GALNT18: variants seen among roughly 807,000 people sequenced by gnomAD.
GALNT18 encodes GalNAc-transferase 18.
In GALNT18, 44 loss-of-function variants were observed where a neutral mutation model predicts 69.5. That is an observed-to-expected ratio of 0.63 (90% CI 0.50 to 0.81). The LOEUF (loss-of-function observed/expected upper bound fraction) is 0.81, where lower values mean the gene tolerates loss of function less well. Among genes scored for constraint, GALNT18 ranks in the 40% least tolerant of loss-of-function variants. The pLI is 0.00. For missense variants in GALNT18, 715 were observed against 810.0 expected (o/e 0.88, Z 1.42); for synonymous variants, 364 against 318.2 (o/e 1.14, Z -1.53).
At chr11:11,446,960 C>T (rs905077437) in intron 2 of GALNT18, among the ~76,000 whole-genome samples, 1 of 152,186 alleles carries the variant, frequency 6.6e-6, no homozygotes, top group African/African-American at 2.4e-5. Flanking sequence ...TCTAATTGGT[C>T]TGGGGTGTGG....
At chr11:11,424,400 C>T (rs1456064325) in intron 3 of GALNT18, among the ~76,000 whole-genome samples, 1 of 152,186 alleles carries the variant, frequency 6.6e-6, no homozygotes, top group Non-Finnish European at 1.5e-5. Flanking sequence ...CCTAGCACTT[C>T]CTGGCTATGT....
intron 1 of GALNT18, among the ~76,000 whole-genome samples, chr11:11,528,642 G>C (rs903856795): frequency 6.6e-6 from 1 of 152,138 alleles, no homozygotes; most frequent in African/African-American, 2.4e-5. Flanking sequence ...GGCTATGCGG[G>C]GCAAGACTGA....
At chr11:11,369,860 T>C (rs553726103) in intron 6 of GALNT18, among the ~76,000 whole-genome samples, 2 of 152,274 alleles carry the variant, frequency 1.3e-5, no homozygotes, top group Admixed American at 6.5e-5. Flanking sequence ...AGGGACTCAG[T>C]AGACATAATT....
rs756974658 is a variant in GALNT18 at position 11,564,905 on chromosome 11, A to T, written c.235+56454T>A. Among the ~76,000 whole-genome samples the T allele has an allele frequency of 2.6e-5, 4 of 152,216 alleles. No individual in the cohort carries two copies. The highest frequency in any genetic ancestry group is 1.3e-4 in the Admixed American group (2 of 15,282). On this transcript the variant is annotated intron_variant, in intron 1 of 10. Coordinates refer to ENST00000227756, the MANE Select transcript of GALNT18 (RefSeq NM_198516.3). The surrounding 1 kb of genome is among the most constrained non-coding windows in gnomAD (Gnocchi z 4.3). Reference sequence around the variant, plus strand: ...ATAGTGAACAGAATAGGTCTAGAACATCTCCCTCCCCACAGAATGCTTGCT... The same window carrying T: ...ATAGTGAACAGAATAGGTCTAGAACTTCTCCCTCCCCACAGAATGCTTGCT...
At chr11:11,397,552 C>G (rs1369409262) in intron 3 of GALNT18, among the ~76,000 whole-genome samples, 1 of 152,164 alleles carries the variant, frequency 6.6e-6, no homozygotes, top group South Asian at 2.1e-4. Flanking sequence ...CAACTTCCAC[C>G]TCCCCGGTTC....
At position 11,435,500 on chromosome 11, in the gene GALNT18, T is replaced by C. The variant is rs1855377874; in HGVS notation, c.429-2713A>G. Among the ~76,000 whole-genome samples, 1 of 152,238 alleles carries C rather than the reference T, an allele frequency of 6.6e-6. No individual in the cohort carries two copies. The highest frequency in any genetic ancestry group is 6.5e-5 in the Admixed American group (1 of 15,286). ...TTTCATAAGAAAACTCATTTGAACA[T>C]AGCTGAACACATTCTCTAGGGCATC... On this transcript the variant is annotated intron_variant, in intron 2 of 10. Coordinates refer to ENST00000227756, the MANE Select transcript of GALNT18 (RefSeq NM_198516.3). The surrounding 1 kb of genome is among the most constrained non-coding windows in gnomAD (Gnocchi z 4.4).
At chr11:11,279,417 G>A (rs1054133739) in intron 10 of GALNT18, among the ~76,000 whole-genome samples, 7 of 152,072 alleles carry the variant, frequency 4.6e-5, no homozygotes, top group African/African-American at 1.7e-4. Flanking sequence ...ACAACCCTAT[G>A]ACCCAACACT....
At chr11:11,611,684 T>A (rs1332255931) in intron 1 of GALNT18, among the ~76,000 whole-genome samples, 4 of 152,202 alleles carry the variant, frequency 2.6e-5, no homozygotes, top group Non-Finnish European at 5.9e-5. Context: ...GACACGTGAC[T>A]ATGCCAGGGC....
chr11:11,457,834 GC>G (rs1590020716), intron 1 of GALNT18, among the ~76,000 whole-genome samples: 2 of 152,194 alleles, frequency 1.3e-5, no homozygotes, highest in South Asian at 2.1e-4. Context: ...GGGAGTGGGG[GC>G]TAGCTTTTGT....
intron 1 of GALNT18, among the ~76,000 whole-genome samples, chr11:11,567,915 G>A (rs11021935): frequency 0.41 from 62,690 of 151,976 alleles, 13,000 homozygotes; most frequent in East Asian, 0.48. Flanking sequence ...CAATGCATTC[G>A]TTAACAGTTA....
chr11:11,317,243 C>T (rs564244704), intron 9 of GALNT18, among the ~76,000 whole-genome samples: 13 of 152,326 alleles, frequency 8.5e-5, no homozygotes, highest in East Asian at 7.7e-4. Context: ...AATATCACAA[C>T]GACAACAGAG....
intron 1 of GALNT18, among the ~76,000 whole-genome samples, chr11:11,574,384 C>T (rs2134002513): frequency 6.6e-6 from 1 of 152,198 alleles, no homozygotes; most frequent in East Asian, 1.9e-4. Flanking sequence ...GGATAGGTAC[C>T]ATGGGTGAAC....
rs888183393 is a variant in GALNT18, at chr11:11,337,394, A to C, written c.1278+3425T>G. On this transcript the variant is annotated intron_variant, in intron 7 of 10. Transcript: ENST00000227756. This position sits in a 1 kb window ranked among gnomAD's most constrained non-coding sequence, Gnocchi z 4.9. ...CCCATGGTGTATTGTGGTGGTTCTCAGTGGTTCTGAAGAACTTTCCCAAAA... is the reference window on the plus strand; with the variant it reads ...CCCATGGTGTATTGTGGTGGTTCTCCGTGGTTCTGAAGAACTTTCCCAAAA... Among the ~76,000 whole-genome samples, 1 of 152,164 alleles carries C rather than the reference A, an allele frequency of 6.6e-6. No individual in the cohort carries two copies. The highest frequency in any genetic ancestry group is 1.5e-5 in the Non-Finnish European group (1 of 68,034).
At chr11:11,567,846 T>C (rs908883532) in intron 1 of GALNT18, among the ~76,000 whole-genome samples, 1 of 152,200 alleles carries the variant, frequency 6.6e-6, no homozygotes, top group African/African-American at 2.4e-5. Context: ...CCTATATACC[T>C]AGGGAGATAA....
chr11:11,577,976 C>T (rs1335515417), intron 1 of GALNT18, among the ~76,000 whole-genome samples: 1 of 143,468 alleles, frequency 7.0e-6, no homozygotes, highest in Non-Finnish European at 1.5e-5. Context: ...AGCCTCAGCT[C>T]CAAAATGTGA....
chr11:11,291,339 AAAT>A (rs1849292982), intron 10 of GALNT18, among the ~76,000 whole-genome samples: 1 of 152,134 alleles, frequency 6.6e-6, no homozygotes, highest in Non-Finnish European at 1.5e-5. Context: ...ACTATTTCAT[AAAT>A]AATGACCAAC....
rs958889138 is a variant in GALNT18, at chr11:11,454,577, C to T, written c.236-5641G>A. 7.2e-5 allele frequency among the ~76,000 whole-genome samples: 11 copies of T among 151,980 alleles called. No homozygotes were observed. Among genetic ancestry groups the T allele is most frequent in the Admixed American group, 1.3e-4 (2 of 15,262 alleles). ...AATCAAAAAGATTCCACTGAAGGGTCCAAACATCCCTCTTCCCAGAAACCC... is the reference window on the plus strand; with the variant it reads ...AATCAAAAAGATTCCACTGAAGGGTTCAAACATCCCTCTTCCCAGAAACCC... On this transcript the variant is annotated intron_variant, in intron 1 of 10. Coordinates refer to ENST00000227756, the MANE Select transcript of GALNT18 (RefSeq NM_198516.3). This position sits in a 1 kb window ranked among gnomAD's most constrained non-coding sequence, Gnocchi z 4.2.
At chr11:11,537,039 A>G (rs1038068157) in intron 1 of GALNT18, among the ~76,000 whole-genome samples, 20 of 152,188 alleles carry the variant, frequency 1.3e-4, no homozygotes, top group African/African-American at 4.3e-4. Context: ...TTTATGTTTT[A>G]TATAAAAATG....
chr11:11,293,235 G>A (rs1849335891), intron 9 of GALNT18, 42 bp from the exon 10 acceptor site: 1 of 1,307,538 alleles, frequency 7.6e-7, no homozygotes, highest in South Asian at 3.1e-5. Flanking sequence ...AAATGCCAAT[G>A]GCCACGGAGA....
Sources: allele counts gnomAD v4.1 joint callset (sites outside exome capture counted in the v4.1 genomes callset), GRCh38; gene constraint gnomAD v4.1.1; non-coding constraint Gnocchi (gnomAD v3.1); transcripts MANE v1.5; gene names NCBI Gene and HGNC (gene_info 2026-07-23, HGNC 2026-07-21).